Variants in EGFR observed in about 807,000 individuals in gnomAD.
EGFR encodes the protein epidermal growth factor receptor.
EGFR carries 58 observed loss-of-function variants against 143.0 expected under a neutral mutation model. The observed-to-expected ratio is 0.41, with a 90% confidence interval of 0.33 to 0.50. The LOEUF is 0.50. Among genes scored for constraint, EGFR ranks in the 20% least tolerant of loss-of-function variants. The pLI is 0.39. For missense variants in EGFR, 1,307 were observed against 1,579.0 expected, an observed-to-expected ratio of 0.83 and a Z score of 2.92; for synonymous variants, 613 against 594.4, an observed-to-expected ratio of 1.03 and a Z score of -0.45.
At chr7:55,150,366 C>T (rs1785088996) in intron 4 of EGFR, among the ~76,000 whole-genome samples, 1 of 152,192 alleles carries the variant, frequency 6.6e-6, no homozygotes. Flanking sequence ...GCCAGCCTCC[C>T]CGGCCTTCAT....
chr7:55,146,280 A>G lies in EGFR; in HGVS notation c.425-326A>G, dbSNP rs17336423. Reference sequence around the variant, plus strand: ...TCATGCGACCATTCCAGTCCAGCCAATCAGCCCCTTGGGACCCAGCTTACC... The same window carrying G: ...TCATGCGACCATTCCAGTCCAGCCAGTCAGCCCCTTGGGACCCAGCTTACC... On this transcript the variant is annotated intron_variant, in intron 3 of 27. Coordinates refer to ENST00000275493, the MANE Select transcript of EGFR (RefSeq NM_005228.5). Among the ~76,000 whole-genome samples the G allele has an allele frequency of 5.7e-3, 868 of 152,112 alleles. 4 individuals carry two copies. The highest frequency in any genetic ancestry group is 0.02 in the African/African-American group (821 of 41,518).
chr7:55,197,627 A>G (rs1787671763), intron 22 of EGFR, among the ~76,000 whole-genome samples: 1 of 152,200 alleles, frequency 6.6e-6, no homozygotes, highest in Non-Finnish European at 1.5e-5. Flanking sequence ...CCCATTCAAT[A>G]TGATGTTGGC....
chr7:55,072,148 T>C (rs1484744155), intron 1 of EGFR, among the ~76,000 whole-genome samples: 1 of 151,264 alleles, frequency 6.6e-6, no homozygotes, highest in African/African-American at 2.4e-5. Context: ...GTAAGTTAAA[T>C]GCACACGTTT....
chr7:55,067,938 G>A (rs889715694), intron 1 of EGFR, among the ~76,000 whole-genome samples: 1 of 151,204 alleles, frequency 6.6e-6, no homozygotes, highest in African/African-American at 2.5e-5. Context: ...GCGCACGTGT[G>A]TATGCATGTA....
chr7:55,092,278 A>G (rs1247703317), intron 1 of EGFR, among the ~76,000 whole-genome samples: 1 of 152,138 alleles, frequency 6.6e-6, no homozygotes, highest in Non-Finnish European at 1.5e-5. Flanking sequence ...TGAGTCCTAC[A>G]ATGTATTTGA....
chr7:55,138,252 G>A (rs1562749423), intron 1 of EGFR, among the ~76,000 whole-genome samples: 1 of 152,166 alleles, frequency 6.6e-6, no homozygotes, highest in Non-Finnish European at 1.5e-5. Flanking sequence ...CTAAGTCATA[G>A]GGCCTGCTGC....
At chr7:55,091,847 AACACACACACAC>A (rs71014681) in intron 1 of EGFR, among the ~76,000 whole-genome samples, 24 of 132,180 alleles carry the variant, frequency 1.8e-4, no homozygotes, top group African/African-American at 4.6e-4. Flanking sequence ...ACCCACTGTA[AACACACACACAC>A]ACACACACAC....
chr7:55,097,301 C>T (rs10247160), intron 1 of EGFR, among the ~76,000 whole-genome samples: 1 of 152,152 alleles, frequency 6.6e-6, no homozygotes, highest in African/African-American at 2.4e-5. Flanking sequence ...CCTGGATGCT[C>T]TCAGATCTAC....
chr7:55,097,669 C>T (rs1344194984), intron 1 of EGFR, among the ~76,000 whole-genome samples: 1 of 152,168 alleles, frequency 6.6e-6, no homozygotes, highest in Non-Finnish European at 1.5e-5. Flanking sequence ...GACCCAGGAC[C>T]TACAAACCCT....
intron 1 of EGFR, among the ~76,000 whole-genome samples, chr7:55,075,298 G>A (rs890890342): frequency 7.9e-5 from 12 of 152,092 alleles, no homozygotes; most frequent in African/African-American, 2.4e-4. Flanking sequence ...CCTCCACACC[G>A]GTGGCCACTT....
At chr7:55,153,098 G>C (rs1785239655) in intron 6 of EGFR, among the ~76,000 whole-genome samples, 1 of 152,206 alleles carries the variant, frequency 6.6e-6, no homozygotes, top group African/African-American at 2.4e-5. Flanking sequence ...AGGTCCCTAA[G>C]AGACCCATGG....
chr7:55,077,054 C>A (rs17289239), intron 1 of EGFR, among the ~76,000 whole-genome samples: 2,080 of 152,056 alleles, frequency 0.014, 38 homozygotes, highest in African/African-American at 0.047. Context: ...TATGTGAGTA[C>A]AACTATTGAA....
intron 1 of EGFR, among the ~76,000 whole-genome samples, chr7:55,066,793 C>T (rs918921077): frequency 4.6e-5 from 7 of 152,226 alleles, no homozygotes; most frequent in African/African-American, 1.7e-4. Context: ...CCTAGCTTCT[C>T]CTCCTCTGAG....
chr7:55,163,992 C>T (rs41320254), intron 14 of EGFR, among the ~76,000 whole-genome samples, 169 bp downstream of exon 14: 482 of 152,360 alleles, frequency 3.2e-3, no homozygotes, highest in Non-Finnish European at 5.5e-3. Context: ...GTGTCGGTGA[C>T]ATTAGCACAC....
At chr7:55,118,456 A>G (rs1180909561) in intron 1 of EGFR, among the ~76,000 whole-genome samples, 2 of 152,296 alleles carry the variant, frequency 1.3e-5, no homozygotes, top group East Asian at 3.9e-4. Context: ...CAAAGACCAG[A>G]GTGGTAGAAG....
chr7:55,183,275 C>T (rs545992636), intron 20 of EGFR, among the ~76,000 whole-genome samples: 1 of 152,190 alleles, frequency 6.6e-6, no homozygotes, highest in South Asian at 2.1e-4. Flanking sequence ...AAAAAAATGA[C>T]AGATATGTGA....
Position 55,119,654 on chromosome 7 carries a change from T to C in EGFR, c.89-22632T>C, listed in dbSNP as rs73696541. ...TGTAGCTACATCTGTGGGATTCCCC[T>C]CGCTCTGGCGTGGCCTGGCCCCTCT... On this transcript the variant is annotated intron_variant, in intron 1 of 27. Transcript: ENST00000275493. Among the ~76,000 whole-genome samples the C allele has an allele frequency of 8.4e-3, 1,287 of 152,344 alleles. 21 individuals are homozygous for C. Among genetic ancestry groups the C allele is most frequent in the African/African-American group, 0.029 (1,197 of 41,586 alleles).
intron 1 of EGFR, among the ~76,000 whole-genome samples, chr7:55,105,612 C>A (rs1009625671): frequency 6.6e-6 from 1 of 152,188 alleles, no homozygotes; most frequent in East Asian, 1.9e-4. Flanking sequence ...ATGGGCACAA[C>A]TGGAGAAGCA....
intron 1 of EGFR, among the ~76,000 whole-genome samples, chr7:55,050,155 C>T (rs1444409941): frequency 2.0e-5 from 3 of 152,134 alleles, no homozygotes; most frequent in East Asian, 1.9e-4. Context: ...AATACATTCA[C>T]GTTGTTCTAT....
Sources: gnomAD v4.1 joint callset for allele counts (sites outside exome capture counted in the v4.1 genomes callset) on GRCh38, gnomAD v4.1.1 for gene constraint, MANE v1.5 for transcripts, NCBI Gene and HGNC (gene_info 2026-07-23, HGNC 2026-07-21) for gene names.